KCNG3: variants seen among roughly 807,000 people sequenced by gnomAD.
KCNG3 encodes voltage-gated potassium channel regulatory subunit KCNG3.
Under a neutral mutation model 29.0 loss-of-function variants are expected in KCNG3, and 15 were observed. The observed-to-expected ratio is 0.52, with a 90% CI of 0.35 to 0.80. The LOEUF is 0.80. KCNG3 is among the 30% of genes least tolerant of loss of function. KCNG3 has a pLI of 0.01. For missense variants in KCNG3, 512 were observed against 605.7 expected, an observed-to-expected ratio of 0.85 and a Z score of 1.62; for synonymous variants, 322 against 248.9, an observed-to-expected ratio of 1.29 and a Z score of -2.76.
the KCNG3 span, among the ~76,000 whole-genome samples, chr2:42,431,630 G>C: frequency 1.3e-5 from 2 of 152,164 alleles, no homozygotes; most frequent in Non-Finnish European, 2.9e-5. Context: ...CCAACCATTT[G>C]AGGAAATGTT....
At chr2:42,488,049 C>T (rs1673773299) in intron 1 of KCNG3, among the ~76,000 whole-genome samples, 1 of 152,140 alleles carries the variant, frequency 6.6e-6, no homozygotes, top group African/African-American at 2.4e-5. Context: ...TAAAATGTCT[C>T]TGAAATGACA....
At chr2:42,459,614 G>A (rs796726719) in intron 1 of KCNG3, among the ~76,000 whole-genome samples, 6 of 152,318 alleles carry the variant, frequency 3.9e-5, no homozygotes, top group African/African-American at 1.4e-4. Flanking sequence ...CCTAATGTAT[G>A]TCAGGCTCTA....
chr2:42,479,745 T>C (rs1673535089), intron 1 of KCNG3, among the ~76,000 whole-genome samples: 1 of 151,684 alleles, frequency 6.6e-6, no homozygotes, highest in African/African-American at 2.4e-5. Context: ...GCGGGGTGAC[T>C]CACGCCTGTA....
chr2:42,488,882 T>C (rs902977950), intron 1 of KCNG3, among the ~76,000 whole-genome samples: 5 of 150,884 alleles, frequency 3.3e-5, no homozygotes, highest in African/African-American at 9.7e-5. Flanking sequence ...CAATAGAAGA[T>C]ATAGTTCTGG....
chr2:42,493,182 T>C lies in KCNG3; in HGVS notation c.320A>G (p.His107Arg), dbSNP rs779235600. The change falls in exon 1 of 2, where the codon CAC becomes CGC. Residue 107 changes from histidine (H) to arginine (R), a missense_variant. Around this residue, in one of 5 missense-constraint regions of KCNG3, gnomAD observed 228 missense variants for 200.0 expected, o/e 1.14. Transcript: ENST00000306078. The stretch of plus-strand genomic sequence containing the variant: ...GCGGCGCTGGCAGCAGTACTCGAGG[T>C]GCGCGCCCTCCAGGCCCCAGTAGAT... ...EMIYWGLEGA[H>R]LEYCCQRRLD... The C allele has an allele frequency of 6.2e-7, 1 of 1,608,904 alleles. No individual in the cohort carries two copies.
At chr2:42,405,677 A>G in the KCNG3 span, among the ~76,000 whole-genome samples, 1 of 151,680 alleles carries the variant, frequency 6.6e-6, no homozygotes, top group African/African-American at 2.4e-5. Context: ...GCGCAATCTC[A>G]GCTCACTGAA....
At chr2:42,407,230 T>C in the KCNG3 span, among the ~76,000 whole-genome samples, 1 of 148,654 alleles carries the variant, frequency 6.7e-6, no homozygotes, top group South Asian at 2.1e-4. Flanking sequence ...CAGGCTGGAG[T>C]GCAGTGGTGC....
At chr2:42,410,889 TCTC>T in the KCNG3 span, among the ~76,000 whole-genome samples, 3 of 152,206 alleles carry the variant, frequency 2.0e-5, no homozygotes, top group Non-Finnish European at 4.4e-5. Flanking sequence ...AAGAAGGAAT[TCTC>T]CTATGTTTCC....
At chr2:42,434,154 T>C in the KCNG3 span, among the ~76,000 whole-genome samples, 1 of 152,052 alleles carries the variant, frequency 6.6e-6, no homozygotes, top group African/African-American at 2.4e-5. Context: ...AAAATTCATA[T>C]AGTAATACAA....
chr2:42,458,370 C>G (rs1284863788), intron 1 of KCNG3, among the ~76,000 whole-genome samples: 2 of 152,186 alleles, frequency 1.3e-5, no homozygotes, highest in Non-Finnish European at 2.9e-5. Context: ...GCCTCCTAAA[C>G]ACAGTTTACC....
At chr2:42,480,534 C>T (rs540376743) in intron 1 of KCNG3, among the ~76,000 whole-genome samples, 6 of 152,052 alleles carry the variant, frequency 3.9e-5, no homozygotes, top group African/African-American at 9.7e-5. Context: ...CTGCCATAAA[C>T]AATATGTAAA....
chr2:42,478,397 T>C (rs1025126520), intron 1 of KCNG3, among the ~76,000 whole-genome samples: 1 of 151,964 alleles, frequency 6.6e-6, no homozygotes, highest in African/African-American at 2.4e-5. Context: ...CATGCCTAGC[T>C]AATTTTCTTA....
chr2:42,440,744 G>A (rs2103654600), downstream of KCNG3, among the ~76,000 whole-genome samples: 2 of 152,290 alleles, frequency 1.3e-5, no homozygotes, highest in South Asian at 4.1e-4. Context: ...GTTTCAATTA[G>A]CAACAAGGAC....
chr2:42,471,586 C>T (rs995826186), intron 1 of KCNG3, among the ~76,000 whole-genome samples: 1 of 151,842 alleles, frequency 6.6e-6, no homozygotes, highest in African/African-American at 2.4e-5. Context: ...CAATGTAGTG[C>T]GTATCATAAA....
At chr2:42,396,505 C>T in the KCNG3 span, among the ~76,000 whole-genome samples, 31 of 152,226 alleles carry the variant, frequency 2.0e-4, no homozygotes, top group Admixed American at 3.3e-4. Context: ...TAAACTGTGA[C>T]GGAACTTCTC....
At chr2:42,490,307 G>A (rs1673840228) in intron 1 of KCNG3, among the ~76,000 whole-genome samples, 1 of 152,142 alleles carries the variant, frequency 6.6e-6, no homozygotes, top group East Asian at 1.9e-4. Flanking sequence ...CAGGCGCGGT[G>A]GCTCACGCCT....
chr2:42,489,615 T>A (rs1326820958), intron 1 of KCNG3, among the ~76,000 whole-genome samples: 2 of 152,142 alleles, frequency 1.3e-5, no homozygotes, highest in Admixed American at 6.5e-5. Context: ...ACTAGGGTGA[T>A]CAGTAAATGC....
chr2:42,413,946 T>C, the KCNG3 span, among the ~76,000 whole-genome samples: 1 of 152,106 alleles, frequency 6.6e-6, no homozygotes, highest in Non-Finnish European at 1.5e-5. Context: ...AGCCAAACCA[T>C]ATCAGTATTT....
chr2:42,446,642 T>A (rs763987642), intron 1 of KCNG3, among the ~76,000 whole-genome samples: 1 of 152,130 alleles, frequency 6.6e-6, no homozygotes, highest in African/African-American at 2.4e-5. Context: ...GGCAACATTT[T>A]GAAAAGAATT....
Sources: allele counts gnomAD v4.1 joint callset (sites outside exome capture counted in the v4.1 genomes callset), GRCh38; gene constraint gnomAD v4.1.1; regional missense constraint gnomAD v4.1.1; transcripts MANE v1.5; gene names NCBI Gene and HGNC (gene_info 2026-07-23, HGNC 2026-07-21).